Variants in MSRB3 observed in about 807,000 individuals in gnomAD.
MSRB3 encodes the protein methionine sulfoxide reductase B3.
A neutral mutation model predicts 21.0 loss-of-function variants in MSRB3; 13 were observed. The observed-to-expected ratio is 0.62, with a 90% CI of 0.40 to 0.98. The LOEUF (loss-of-function observed/expected upper bound fraction) is 0.98, where lower values mean the gene tolerates loss of function less well. MSRB3 is among the 50% of genes least tolerant of loss of function. MSRB3 has a pLI of 0.00. For missense variants in MSRB3, 199 were observed against 230.3 expected, an observed-to-expected ratio of 0.86 and a Z score of 0.88; for synonymous variants, 87 against 88.6, an observed-to-expected ratio of 0.98 and a Z score of 0.10.
At chr12:65,450,075 A>G (rs1303033233) in intron 5 of MSRB3, among the ~76,000 whole-genome samples, 1 of 151,948 alleles carries the variant, frequency 6.6e-6, no homozygotes, top group African/African-American at 2.4e-5. Flanking sequence ...TTATTAAGCT[A>G]CATTATGGGT....
chr12:65,443,525 A>G (rs1342810076), intron 5 of MSRB3, among the ~76,000 whole-genome samples: 1 of 152,158 alleles, frequency 6.6e-6, no homozygotes, highest in African/African-American at 2.4e-5. Flanking sequence ...ATTCAGGCTA[A>G]GTGATTATCT....
At chr12:65,305,471 G>A (rs1306793202) in intron 1 of MSRB3, among the ~76,000 whole-genome samples, 1 of 152,118 alleles carries the variant, frequency 6.6e-6, no homozygotes, top group Non-Finnish European at 1.5e-5. Context: ...GCTTTTCATT[G>A]CCAGTTGTGT....
intron 2 of MSRB3, among the ~76,000 whole-genome samples, chr12:65,317,625 G>C (rs1322327749): frequency 6.6e-6 from 1 of 152,066 alleles, no homozygotes; most frequent in African/African-American, 2.4e-5. Context: ...TAATCTTATA[G>C]TCTTAAATCC....
chr12:65,432,364 T>C (rs1256846009), intron 5 of MSRB3, among the ~76,000 whole-genome samples: 2 of 151,934 alleles, frequency 1.3e-5, no homozygotes, highest in African/African-American at 4.8e-5. Context: ...ACAGGACTGT[T>C]TTGTGGCAAG....
intron 1 of MSRB3, among the ~76,000 whole-genome samples, chr12:65,290,734 G>T (rs1872622032): frequency 6.6e-6 from 1 of 152,156 alleles, no homozygotes; most frequent in Admixed American, 6.5e-5. Flanking sequence ...TTTGGACAAT[G>T]CCCTCCTCTT....
intron 2 of MSRB3, among the ~76,000 whole-genome samples, chr12:65,310,724 G>C (rs566511954): frequency 1.6e-4 from 25 of 152,320 alleles, no homozygotes; most frequent in African/African-American, 4.3e-4. Flanking sequence ...TTGATAAAAT[G>C]ATTCAAAGAT....
intron 5 of MSRB3, among the ~76,000 whole-genome samples, chr12:65,428,821 A>G (rs1881736634): frequency 6.6e-6 from 1 of 152,140 alleles, no homozygotes; most frequent in South Asian, 2.1e-4. Flanking sequence ...AATTCCCCAG[A>G]ATGCATTGTG....
intron 4 of MSRB3, among the ~76,000 whole-genome samples, chr12:65,332,071 C>T (rs1875459676): frequency 1.3e-5 from 2 of 152,118 alleles, no homozygotes; most frequent in African/African-American, 4.8e-5. Context: ...TTTAAAGGGC[C>T]CAGCCCCATT....
chr12:65,350,185 G>C (rs1351583752), intron 4 of MSRB3, among the ~76,000 whole-genome samples: 1 of 151,572 alleles, frequency 6.6e-6, no homozygotes, highest in Non-Finnish European at 1.5e-5. Flanking sequence ...CCCATTGCTT[G>C]TTTTTCTCAG....
intron 5 of MSRB3, among the ~76,000 whole-genome samples, chr12:65,422,434 ATT>A (rs1227156222): frequency 0.013 from 1,359 of 104,368 alleles, 11 homozygotes; most frequent in Non-Finnish European, 0.018. Context: ...ATATATATTT[ATT>A]TATTTATTTA....
intron 5 of MSRB3, among the ~76,000 whole-genome samples, chr12:65,440,597 A>G (rs895330027): frequency 2.6e-5 from 4 of 151,968 alleles, no homozygotes; most frequent in Non-Finnish European, 5.9e-5. Context: ...ATATAATGCT[A>G]TAATAGTGCT....
intron 6 of MSRB3, among the ~76,000 whole-genome samples, chr12:65,455,501 C>A (rs556630664): frequency 2.0e-5 from 3 of 152,194 alleles, no homozygotes; most frequent in African/African-American, 7.2e-5. Flanking sequence ...TCACCATAAC[C>A]TTCTGAGGTA....
chr12:65,320,257 C>A, intron 2 of MSRB3, among the ~76,000 whole-genome samples: 1 of 152,130 alleles, frequency 6.6e-6, no homozygotes, highest in Middle Eastern at 3.4e-3. Context: ...AAACAATTAT[C>A]TTTTTTCTGA....
At chr12:65,284,912 C>T (rs534038262) in intron 1 of MSRB3, 1 of 152,286 alleles carries the variant, frequency 6.6e-6, no homozygotes, top group South Asian at 2.1e-4. Context: ...TCCTGCTTAA[C>T]CCTCCCTCAG....
chr12:65,430,916 G>A (rs1378263522), intron 5 of MSRB3, among the ~76,000 whole-genome samples: 1 of 152,026 alleles, frequency 6.6e-6, no homozygotes, highest in African/African-American at 2.4e-5. Context: ...CTTAAAGTTA[G>A]TTTTACCCTG....
chr12:65,351,825 T>A (rs1335361051), intron 4 of MSRB3, among the ~76,000 whole-genome samples: 1 of 151,830 alleles, frequency 6.6e-6, no homozygotes, highest in African/African-American at 2.4e-5. Flanking sequence ...TAATCGATAG[T>A]TTACCAACCA....
At chr12:65,389,404 C>A (rs1357442720) in intron 5 of MSRB3, among the ~76,000 whole-genome samples, 3 of 152,154 alleles carry the variant, frequency 2.0e-5, no homozygotes, top group Non-Finnish European at 4.4e-5. Flanking sequence ...CTCTTCATTA[C>A]CTCCTTCAGA....
chr12:65,408,481 T>C (rs1880539495), intron 5 of MSRB3, among the ~76,000 whole-genome samples: 1 of 152,208 alleles, frequency 6.6e-6, no homozygotes, highest in Non-Finnish European at 1.5e-5. Context: ...TTTATCTGAC[T>C]AGGAGGTAGA....
intron 4 of MSRB3, among the ~76,000 whole-genome samples, chr12:65,368,028 C>G (rs998582468): frequency 3.3e-5 from 5 of 152,108 alleles, no homozygotes; most frequent in Non-Finnish European, 5.9e-5. Flanking sequence ...CTTGCTTATC[C>G]TTCCCTTTCC....
Sources: gnomAD v4.1 joint callset for allele counts (sites outside exome capture counted in the v4.1 genomes callset) on GRCh38, gnomAD v4.1.1 for gene constraint, MANE v1.5 for transcripts, NCBI Gene and HGNC (gene_info 2026-07-23, HGNC 2026-07-21) for gene names.